Variants in ESPNL observed in about 807,000 individuals in gnomAD.
ESPNL encodes espin-like protein.
In ESPNL, 49 loss-of-function variants were observed where a neutral mutation model predicts 46.8. That is an observed-to-expected ratio of 1.05 (90% CI 0.83 to 1.33). The LOEUF is 1.33. ESPNL is among the 40% of genes most tolerant of loss of function. The probability of loss-of-function intolerance (pLI) is 0.00; values close to 1 mark genes in which losing one functional copy is unlikely to be tolerated. For synonymous variants in ESPNL, 664 were observed against 662.1 expected, an observed-to-expected ratio of 1.00 and a Z score of -0.04; for missense variants, 1,540 against 1,436.6, an observed-to-expected ratio of 1.07 and a Z score of -1.16.
chr2:238,104,817 GC>G lies in ESPNL; in HGVS notation c.649del (p.His217ThrfsTer39). Reference protein sequence around the residue: ...MSALHAAAARGHYSLVVWLVT... With the variant: ...MSALHAAAARXHYSLVVWLVT... ...GCCCTGCACGCTGCCGCCGCCCGTG[GC>G]CACTACTCCCTCGTCGTCTGGCTGG... is the stretch of plus-strand genomic sequence containing the variant. On this transcript the variant is annotated frameshift_variant, in exon 3 of 9. Transcript: ENST00000343063. LOFTEE classifies it high-confidence loss of function. The G allele has an allele frequency of 6.5e-7, 1 of 1,546,810 alleles. No homozygotes were observed. The highest frequency in any genetic ancestry group is 1.2e-5 in the South Asian group (1 of 84,264).
At chr2:238,115,362 G>T (rs150862391) in intron 4 of ESPNL, among the ~76,000 whole-genome samples, 1 of 152,202 alleles carries the variant, frequency 6.6e-6, no homozygotes, top group Middle Eastern at 3.2e-3. Context: ...GTCGGTAGGG[G>T]CCGGGGCAAG....
In ESPNL at chr2:238,130,111, G is replaced by A. The variant is rs1211967773; in HGVS notation, c.1414-17G>A. On this transcript the variant is annotated splice_polypyrimidine_tract_variant and intron_variant, in intron 8 of 8. Transcript: ENST00000343063. ...TGGGTGGGCTCACCCTGCTCACCCT[G>A]CCCTTCCTGTGCCCAGGACAATGGT... 1.9e-6 allele frequency: 3 copies of A among 1,598,684 alleles called. No individual in the cohort carries two copies. Among genetic ancestry groups the A allele is most frequent in the East Asian group, 2.2e-5 (1 of 44,566 alleles).
chr2:238,123,050 C>T (rs192360350), intron 5 of ESPNL, among the ~76,000 whole-genome samples: 3 of 152,334 alleles, frequency 2.0e-5, no homozygotes, highest in Non-Finnish European at 4.4e-5. Flanking sequence ...CGTTCCCTTG[C>T]CCCCGAGTCC....
intron 2 of ESPNL, among the ~76,000 whole-genome samples, chr2:238,102,452 C>T (rs1340442157): frequency 1.3e-5 from 2 of 152,138 alleles, no homozygotes; most frequent in African/African-American, 4.8e-5. Context: ...GGGGGCATCT[C>T]GGGACCTAAA....
Position 238,131,837 on chromosome 2 carries a change from C to T in ESPNL, c.*105C>T, listed in dbSNP as rs1001337845. The T allele has an allele frequency of 7.9e-7, 1 of 1,265,800 alleles. No individual in the cohort carries two copies. Among genetic ancestry groups the T allele is most frequent in the East Asian group, 2.3e-5 (1 of 42,704 alleles). 78.4% of individuals were successfully genotyped at this position (1,265,800 alleles called of 1,614,324 possible). A position where few individuals can be genotyped will look rare whatever the true frequency, so the allele number is the denominator to read the frequency against. On this transcript the variant is annotated 3_prime_UTR_variant, in exon 9 of 9. Coordinates refer to ENST00000343063, the MANE Select transcript of ESPNL (RefSeq NM_194312.4). ...TGGTGTTCAGGTGAGCCGGGCAAGG[C>T]TGCCTCCAGTCCTACCAGTTATCGG...
At chr2:238,124,454 C>T in intron 5 of ESPNL, among the ~76,000 whole-genome samples, 1 of 152,212 alleles carries the variant, frequency 6.6e-6, no homozygotes, top group Middle Eastern at 3.4e-3. Context: ...CCATCCACCC[C>T]CAAGACACTG....
At position 238,125,767 on chromosome 2, in the gene ESPNL, T is replaced by TTGGAGTGGAGTGGAGTGGAG. The variant is rs370332974; in HGVS notation, c.1102+408_1102+427dup. Among the ~76,000 whole-genome samples, 892 of 146,384 alleles carry TTGGAGTGGAGTGGAGTGGAG rather than the reference T, an allele frequency of 6.1e-3. 7 individuals are homozygous for TTGGAGTGGAGTGGAGTGGAG. The highest frequency in any genetic ancestry group is 9.3e-3 in the Non-Finnish European group (619 of 66,382). On this transcript the variant is annotated intron_variant, in intron 6 of 8. Transcript: ENST00000343063. ...CCACCATTAGGGGTCTGTGACCAGCTTGGAGTGGAGTGGAGTGGAGTGGAG... is the reference window on the plus strand; with the variant it reads ...CCACCATTAGGGGTCTGTGACCAGCTTGGAGTGGAGTGGAGTGGAGTGGAGTGGAGTGGAGTGGAGTGGAG...
In ESPNL at chr2:238,100,447, G is replaced by A. The variant is rs778024556; in HGVS notation, c.28G>A (p.Ala10Thr). ...GGAGAAGCAGCGGGCACTCGTGGCCGCCAAGGATGGGGATGTGGCGACGTT... is the reference window on the plus strand; with the variant it reads ...GGAGAAGCAGCGGGCACTCGTGGCCACCAAGGATGGGGATGTGGCGACGTT... MEKQRALVA[A>T]KDGDVATLER... Residue 10 changes from alanine to threonine, a missense_variant, in exon 1 of 9, where the codon GCC (alanine) becomes ACC (threonine). Transcript: ENST00000343063. The A allele has an allele frequency of 2.2e-5, 35 of 1,603,756 alleles. No homozygotes were observed. Among genetic ancestry groups the A allele is most frequent in the Non-Finnish European group, 2.6e-5 (31 of 1,177,438 alleles).
In ESPNL at chr2:238,107,876, C is replaced by A; in HGVS notation, c.758C>A (p.Pro253His). ...LHFAARGGHTPILDRLLLMGT... is the reference protein window; with the variant it reads ...LHFAARGGHTHILDRLLLMGT... ...TTTGCAGCCCGAGGCGGCCACACGC[C>A]CATTCTAGACCGACTCCTGCTCATG... The change falls in exon 4 of 9, where the codon CCC becomes CAC. Residue 253 changes from proline (P) to histidine (H), a missense_variant. By Grantham distance (77) the Pro-to-His change is moderately conservative. Transcript: ENST00000343063. 1 of 1,612,278 alleles carries A rather than the reference C, an allele frequency of 6.2e-7. No individual in the cohort carries two copies. The highest frequency in any genetic ancestry group is 8.5e-7 in the Non-Finnish European group (1 of 1,179,628).
chr2:238,125,928 C>G (rs1170069398), intron 6 of ESPNL, among the ~76,000 whole-genome samples: 2 of 151,512 alleles, frequency 1.3e-5, no homozygotes, highest in Non-Finnish European at 2.9e-5. Flanking sequence ...TCTGTGTGTT[C>G]TGTGTGTGAT....
chr2:238,101,312 G>C (rs768731333), intron 1 of ESPNL, among the ~76,000 whole-genome samples: 3 of 152,194 alleles, frequency 2.0e-5, no homozygotes, highest in Non-Finnish European at 4.4e-5. Context: ...GGTGGGGGCC[G>C]GTGGGGCCTG....
At chr2:238,117,948 G>T (rs1260893395) in intron 5 of ESPNL, among the ~76,000 whole-genome samples, 1 of 152,074 alleles carries the variant, frequency 6.6e-6, no homozygotes, top group African/African-American at 2.4e-5. Flanking sequence ...GGAAGGAGGA[G>T]GGTGGATGGA....
intron 6 of ESPNL, among the ~76,000 whole-genome samples, chr2:238,127,148 T>TC (rs1692156858): frequency 6.6e-6 from 1 of 151,622 alleles, no homozygotes; most frequent in African/African-American, 2.4e-5. Context: ...TGTGTCTGTG[T>TC]TGTGTGTATG....
Position 238,131,045 on chromosome 2 carries a change from G to A in ESPNL, c.2331G>A (p.Glu777=), listed in dbSNP as rs2106481295. The change falls in exon 9 of 9, where the codon GAG becomes GAA. Residue 777 remains glutamate (E), a synonymous_variant. Coordinates refer to ENST00000343063, the MANE Select transcript of ESPNL (RefSeq NM_194312.4). ...GARHAGLRGQ[E]AARSPGPPSP... ...GCCACGCGGGGTTGCGGGGCCAGGA[G>A]GCCGCCAGGAGCCCTGGGCCACCCT... The A allele has an allele frequency of 3.3e-6, 5 of 1,538,194 alleles. No individual in the cohort carries two copies. Among genetic ancestry groups the A allele is most frequent in the East Asian group, 2.5e-5 (1 of 40,732 alleles).
intron 8 of ESPNL, 73 bp downstream of exon 8, chr2:238,128,977 G>C: frequency 1.3e-6 from 2 of 1,488,314 alleles, no homozygotes; most frequent in African/African-American, 2.8e-5. Context: ...TGGAAGTCAG[G>C]GCGCCCGAAG....
chr2:238,120,216 C>A (rs1403575733), intron 5 of ESPNL, among the ~76,000 whole-genome samples: 2 of 152,162 alleles, frequency 1.3e-5, no homozygotes, highest in Non-Finnish European at 2.9e-5. Context: ...GCCCACAGCC[C>A]AGGAGTGCCG....
chr2:238,129,778 G>A (rs377336239), intron 8 of ESPNL, among the ~76,000 whole-genome samples: 30 of 152,360 alleles, frequency 2.0e-4, no homozygotes, highest in South Asian at 6.2e-4. Context: ...CTGCCCCTCC[G>A]TCGCACCAGC....
chr2:238,102,081 C>T lies in ESPNL; in HGVS notation c.435C>T (p.Ala145=), dbSNP rs767384800. 14 of 1,577,826 alleles carry T rather than the reference C, an allele frequency of 8.9e-6. No homozygotes were observed. In the African/African-American group the frequency reaches 1.1e-4, roughly 12 times the overall value. The change falls in exon 2 of 9, where the codon GCC becomes GCT. Residue 145 remains alanine (A), a synonymous_variant. Coordinates refer to ENST00000343063, the MANE Select transcript of ESPNL (RefSeq NM_194312.4). ...GAGCCCGGCCGCTGCACCACGCTGC[C>T]GTCAGTGGGGACCTGACCTGCCTCA... is the stretch of plus-strand genomic sequence containing the variant. ...REGARPLHHA[A]VSGDLTCLKL... is the part of the protein sequence containing the mutation.
intron 8 of ESPNL, 107 bp from the exon 9 acceptor site, chr2:238,130,021 G>T: frequency 7.8e-7 from 1 of 1,277,370 alleles, no homozygotes. Flanking sequence ...CTTGGGGCAG[G>T]ACCAGAGGCT....
Sources: gnomAD v4.1 joint callset for allele counts (sites outside exome capture counted in the v4.1 genomes callset) on GRCh38, gnomAD v4.1.1 for gene constraint, MANE v1.5 for transcripts, NCBI Gene and HGNC (gene_info 2026-07-23, HGNC 2026-07-21) for gene names.